The following FOXP2 variants were observed in gnomAD, a reference collection of about 807,000 sequenced individuals.
The protein encoded by FOXP2 is forkhead box P2.
A neutral mutation model predicts 115.8 loss-of-function variants in FOXP2; 12 were observed. That is an observed-to-expected ratio of 0.10 (90% CI 0.07 to 0.17). FOXP2 has a LOEUF of 0.17. Among genes scored for constraint, FOXP2 ranks in the 10% least tolerant of loss-of-function variants. FOXP2 has a pLI of 1.00. For missense variants in FOXP2, 629 were observed against 843.5 expected, an observed-to-expected ratio of 0.75 and a Z score of 3.15; for synonymous variants, 328 against 297.7, an observed-to-expected ratio of 1.10 and a Z score of -1.05.
At chr7:114,489,608 A>G (rs1326379551) in intron 2 of FOXP2, among the ~76,000 whole-genome samples, 1 of 151,880 alleles carries the variant, frequency 6.6e-6, no homozygotes, top group Non-Finnish European at 1.5e-5. Context: ...GAGTGAGAGT[A>G]GCAGAAACCA....
At chr7:114,235,973 T>C (rs1192898910) in intron 1 of FOXP2, among the ~76,000 whole-genome samples, 1 of 152,206 alleles carries the variant, frequency 6.6e-6, no homozygotes, top group Non-Finnish European at 1.5e-5. Context: ...CCTTTCTTAA[T>C]GGGGCTTCTT....
intron 2 of FOXP2, among the ~76,000 whole-genome samples, chr7:114,481,728 A>C (rs1042952033): frequency 6.6e-6 from 1 of 151,174 alleles, no homozygotes; most frequent in Admixed American, 6.6e-5. Flanking sequence ...AAATGTTACT[A>C]TTACTGTTCG....
At chr7:114,508,319 C>T (rs1204828489) in intron 2 of FOXP2, among the ~76,000 whole-genome samples, 5 of 151,980 alleles carry the variant, frequency 3.3e-5, no homozygotes, top group East Asian at 1.9e-4. Context: ...AGGGATCATC[C>T]AGTCCAAAAG....
At chr7:114,473,955 A>T (rs1213624931) in intron 2 of FOXP2, among the ~76,000 whole-genome samples, 1 of 152,102 alleles carries the variant, frequency 6.6e-6, no homozygotes, top group African/African-American at 2.4e-5. Flanking sequence ...CTTTTTCTTT[A>T]CGTCACATTC....
chr7:114,172,217 T>A (rs925113446), intron 1 of FOXP2, among the ~76,000 whole-genome samples: 2 of 152,244 alleles, frequency 1.3e-5, no homozygotes, highest in South Asian at 4.1e-4. Context: ...AAAGAATTTA[T>A]GTGACTTGCT....
chr7:114,184,345 G>A (rs1285584914), intron 1 of FOXP2, among the ~76,000 whole-genome samples: 1 of 152,136 alleles, frequency 6.6e-6, no homozygotes, highest in Non-Finnish European at 1.5e-5. Context: ...TGGCGGTATG[G>A]CTCAGAGAAG....
chr7:114,417,645 C>A (rs1009768843), intron 1 of FOXP2, among the ~76,000 whole-genome samples: 1 of 151,944 alleles, frequency 6.6e-6, no homozygotes, highest in Admixed American at 6.6e-5. Flanking sequence ...TCTGTTCACA[C>A]CAGCCCTTTG....
chr7:114,384,969 A>G (rs965926289), intron 2 of FOXP2, among the ~76,000 whole-genome samples: 5 of 151,422 alleles, frequency 3.3e-5, no homozygotes, highest in African/African-American at 4.8e-5. Context: ...TTAAAGGAAT[A>G]GGGCACACTT....
At chr7:114,388,761 A>G (rs1019280396) in intron 2 of FOXP2, among the ~76,000 whole-genome samples, 2 of 150,908 alleles carry the variant, frequency 1.3e-5, no homozygotes, top group African/African-American at 2.4e-5. Flanking sequence ...TTAAATTTAG[A>G]CAACTTAACA....
intron 1 of FOXP2, among the ~76,000 whole-genome samples, chr7:114,242,604 T>C (rs920575040): frequency 1.5e-4 from 23 of 152,200 alleles, no homozygotes; most frequent in African/African-American, 5.5e-4. Flanking sequence ...GGAATCCTTA[T>C]CGTGGGAAAT....
intron 1 of FOXP2, among the ~76,000 whole-genome samples, chr7:114,165,665 G>C (rs191497355): frequency 1.8e-4 from 27 of 152,196 alleles, no homozygotes; most frequent in African/African-American, 6.0e-4. Context: ...TGGATAGATG[G>C]GTTCAATATT....
chr7:114,243,925 T>G (rs117940271), intron 1 of FOXP2, among the ~76,000 whole-genome samples: 6,758 of 151,848 alleles, frequency 0.045, 208 homozygotes, highest in Admixed American at 0.082. Flanking sequence ...TGTTTTTTTT[T>G]TTTGTTTTGT....
At chr7:114,334,084 A>G (rs1295720089) in intron 2 of FOXP2, among the ~76,000 whole-genome samples, 1 of 152,138 alleles carries the variant, frequency 6.6e-6, no homozygotes, top group African/African-American at 2.4e-5. Context: ...AATATTTTTA[A>G]GTCTTGCATT....
At chr7:114,388,155 T>C (rs972672655) in intron 2 of FOXP2, among the ~76,000 whole-genome samples, 1 of 152,194 alleles carries the variant, frequency 6.6e-6, no homozygotes, top group Non-Finnish European at 1.5e-5. Flanking sequence ...TTTATTTCAC[T>C]TTAACTTCTT....
At chr7:114,265,008 G>T (rs1263258792) in intron 1 of FOXP2, among the ~76,000 whole-genome samples, 1 of 152,084 alleles carries the variant, frequency 6.6e-6, no homozygotes, top group East Asian at 1.9e-4. Flanking sequence ...GATTATAATT[G>T]AACATGAGAT....
chr7:114,520,985 A>G (rs972659814), intron 2 of FOXP2, among the ~76,000 whole-genome samples: 1 of 152,168 alleles, frequency 6.6e-6, no homozygotes, highest in Non-Finnish European at 1.5e-5. Flanking sequence ...AAAATTACAA[A>G]AATGGGAAAA....
At chr7:114,139,358 C>T (rs1283675522) in intron 1 of FOXP2, among the ~76,000 whole-genome samples, 1 of 152,082 alleles carries the variant, frequency 6.6e-6, no homozygotes, top group Non-Finnish European at 1.5e-5. Context: ...AACAGTTCCC[C>T]TCTTACCAGG....
At chr7:114,453,928 T>C in intron 2 of FOXP2, among the ~76,000 whole-genome samples, 1 of 152,046 alleles carries the variant, frequency 6.6e-6, no homozygotes, top group East Asian at 1.9e-4. Context: ...GAAGAAAACC[T>C]AGGCATTACC....
chr7:114,674,275 A>G (rs1053720964), intron 16 of FOXP2, among the ~76,000 whole-genome samples: 1 of 152,206 alleles, frequency 6.6e-6, no homozygotes, highest in Non-Finnish European at 1.5e-5. Flanking sequence ...CCAGGGAGAA[A>G]AGGTGTGGGA....
Sources: gnomAD v4.1 joint callset for allele counts (sites outside exome capture counted in the v4.1 genomes callset) on GRCh38, gnomAD v4.1.1 for gene constraint, MANE v1.5 for transcripts, NCBI Gene and HGNC (gene_info 2026-07-23, HGNC 2026-07-21) for gene names.